Variants in CAPZB observed in about 807,000 individuals in gnomAD.
CAPZB encodes capping actin protein of muscle Z-line subunit beta.
Under a neutral mutation model 38.1 loss-of-function variants are expected in CAPZB, and 2 were observed. That is an observed-to-expected ratio of 0.05 (90% CI 0.02 to 0.17). CAPZB has a LOEUF of 0.17. CAPZB is among the 10% of genes least tolerant of loss of function. CAPZB has a pLI of 1.00. For missense variants in CAPZB, 161 were observed against 334.2 expected (o/e 0.48, Z 4.04); for synonymous variants, 107 against 127.4 (o/e 0.84, Z 1.08).
At chr1:19,444,846 G>A (rs552255894) in intron 1 of CAPZB, among the ~76,000 whole-genome samples, 149 of 152,224 alleles carry the variant, frequency 9.8e-4, no homozygotes, top group African/African-American at 2.4e-3. Context: ...AGGTTCAAGC[G>A]ATTCTCTTGC....
In CAPZB at chr1:19,474,289, C is replaced by T. The variant is rs554004618; in HGVS notation, c.3+11147G>A. ...GGATTACAGGTGTGAACTACCTCAC[C>T]GGGCCCTATTTACAGTATTCTTACT... is the stretch of plus-strand genomic sequence containing the variant. On this transcript the variant is annotated intron_variant, in intron 1 of 8. Transcript: ENST00000264202. Among the ~76,000 whole-genome samples, 18 of 152,282 alleles carry T rather than the reference C, an allele frequency of 1.2e-4. No homozygotes were observed. The East Asian group carries it at 1.5e-3, about 13-fold the overall frequency.
chr1:19,357,347 A>G lies in CAPZB; in HGVS notation c.471+75T>C, dbSNP rs1274860806. 21 of 1,369,642 alleles carry G rather than the reference A, an allele frequency of 1.5e-5. No individual in the cohort carries two copies. The highest frequency in any genetic ancestry group is 8.3e-6 in the Non-Finnish European group (8 of 968,672). The allele number at this position is 1,369,642 out of a possible 1,614,324, so 84.8% of individuals were successfully genotyped here. A position where few individuals can be genotyped will look rare whatever the true frequency, so the allele number is the denominator to read the frequency against. On this transcript the variant is annotated intron_variant, in intron 5 of 8. Transcript: ENST00000264202. This position sits in a 1 kb window ranked among gnomAD's most constrained non-coding sequence, Gnocchi z 4.3. ...ACAGCATCCCCCTACTGCATCTGTTAGAGAGCAGCGCGGCACTGGTTGGTG... is the reference window on the plus strand; with the variant it reads ...ACAGCATCCCCCTACTGCATCTGTTGGAGAGCAGCGCGGCACTGGTTGGTG...
intron 1 of CAPZB, chr1:19,448,966 G>C (rs1235625602): frequency 1.9e-6 from 3 of 1,608,430 alleles, no homozygotes; most frequent in Non-Finnish European, 2.5e-6. Context: ...GGGAGGCGAG[G>C]GGGCAAGAGG....
intron 1 of CAPZB, among the ~76,000 whole-genome samples, chr1:19,421,342 T>C (rs554924593): frequency 6.6e-6 from 1 of 152,330 alleles, no homozygotes; most frequent in East Asian, 1.9e-4. Flanking sequence ...TCAATTTCAT[T>C]TTTTTAAAAA....
At chr1:19,372,031 G>T (rs528886735) in intron 4 of CAPZB, among the ~76,000 whole-genome samples, 29 of 152,332 alleles carry the variant, frequency 1.9e-4, no homozygotes, top group South Asian at 6.2e-4. Flanking sequence ...GAGGCCCTTG[G>T]GCCCTGGGAC....
chr1:19,456,625 C>T (rs902402212), intron 1 of CAPZB, among the ~76,000 whole-genome samples: 8 of 152,148 alleles, frequency 5.3e-5, no homozygotes, highest in African/African-American at 1.9e-4. Flanking sequence ...AATACTCCAG[C>T]CCACAGACCC....
chr1:19,476,412 CTCAA>C (rs1055831455), intron 1 of CAPZB, among the ~76,000 whole-genome samples: 1 of 152,140 alleles, frequency 6.6e-6, no homozygotes, highest in Non-Finnish European at 1.5e-5. Flanking sequence ...GAGACCCTGT[CTCAA>C]TCAATCAATC....
Position 19,363,260 on chromosome 1 carries a change from A to ATTT in CAPZB, c.330-5700_330-5698dup, listed in dbSNP as rs10641267. On this transcript the variant is annotated intron_variant, in intron 4 of 8. Transcript: ENST00000264202. The stretch of plus-strand genomic sequence containing the variant: ...CCATGCATGGCTAATTAAAAAAAAA[A>ATTT]TTTTTTTTTTTTTTTTTTTAGAGAC... 8.3e-4 allele frequency among the ~76,000 whole-genome samples: 102 copies of ATTT among 123,138 alleles called. 1 individual carries two copies. Among genetic ancestry groups the ATTT allele is most frequent in the Middle Eastern group, 4.5e-3 (1 of 224 alleles). The allele number at this position is 123,138 out of a possible 152,430, so 80.8% of individuals were successfully genotyped here.
chr1:19,405,902 C>A (rs553807108), intron 2 of CAPZB, among the ~76,000 whole-genome samples: 1 of 152,220 alleles, frequency 6.6e-6, no homozygotes, highest in Admixed American at 6.5e-5. Context: ...TCTGGAGCTT[C>A]ACAAGCGCTG....
chr1:19,440,809 C>A (rs986089908), intron 1 of CAPZB, among the ~76,000 whole-genome samples: 1 of 152,150 alleles, frequency 6.6e-6, no homozygotes, highest in Non-Finnish European at 1.5e-5. Flanking sequence ...GCCTGTAATC[C>A]CAGCACTTTG....
chr1:19,355,909 T>A (rs984080118), intron 6 of CAPZB, among the ~76,000 whole-genome samples: 2 of 152,162 alleles, frequency 1.3e-5, no homozygotes, highest in African/African-American at 4.8e-5. Flanking sequence ...CCCAGATGCT[T>A]ATGGGAGCAT....
At chr1:19,458,448 G>A (rs886121530) in intron 1 of CAPZB, among the ~76,000 whole-genome samples, 9 of 152,262 alleles carry the variant, frequency 5.9e-5, no homozygotes, top group Admixed American at 1.3e-4. Flanking sequence ...TCCACCTCCC[G>A]GGTTCAAGTG....
At chr1:19,435,536 G>A (rs1480580964) in intron 1 of CAPZB, among the ~76,000 whole-genome samples, 9 of 152,178 alleles carry the variant, frequency 5.9e-5, no homozygotes, top group East Asian at 1.9e-4. Context: ...GGTAGTGCAC[G>A]GCAGGCGCTG....
chr1:19,354,959 C>T (rs935962484), intron 6 of CAPZB, among the ~76,000 whole-genome samples: 1 of 152,082 alleles, frequency 6.6e-6, no homozygotes, highest in Non-Finnish European at 1.5e-5. Flanking sequence ...AGGCTAAGTG[C>T]CCCCTGTGTG....
intron 1 of CAPZB, among the ~76,000 whole-genome samples, chr1:19,456,056 C>T (rs909780091): frequency 4.6e-5 from 7 of 152,182 alleles, no homozygotes; most frequent in Non-Finnish European, 1.0e-4. Flanking sequence ...GGACTACAGG[C>T]GCGCACCATC....
intron 1 of CAPZB, among the ~76,000 whole-genome samples, chr1:19,485,004 G>A (rs1474114173): frequency 1.3e-5 from 2 of 152,106 alleles, no homozygotes; most frequent in Non-Finnish European, 2.9e-5. Context: ...CCTAGCCTGG[G>A]CCATGGCAGG....
At chr1:19,483,436 A>G (rs1441934252) in intron 1 of CAPZB, among the ~76,000 whole-genome samples, 1 of 152,216 alleles carries the variant, frequency 6.6e-6, no homozygotes, top group East Asian at 1.9e-4. Flanking sequence ...TAAAATGGGG[A>G]CAGCCCCAGA....
At chr1:19,381,119 A>T (rs894053118) in intron 3 of CAPZB, among the ~76,000 whole-genome samples, 1 of 152,096 alleles carries the variant, frequency 6.6e-6, no homozygotes, top group African/African-American at 2.4e-5. Context: ...CAGTGAGCTG[A>T]GATCGCGCCA....
intron 1 of CAPZB, among the ~76,000 whole-genome samples, chr1:19,480,012 C>T (rs1364715057): frequency 6.6e-6 from 1 of 152,182 alleles, no homozygotes; most frequent in Non-Finnish European, 1.5e-5. Flanking sequence ...TGCCCAGCCC[C>T]CAAGCCGACT....
Sources: allele counts gnomAD v4.1 joint callset (sites outside exome capture counted in the v4.1 genomes callset), GRCh38; gene constraint gnomAD v4.1.1; non-coding constraint Gnocchi (gnomAD v3.1); transcripts MANE v1.5; gene names NCBI Gene and HGNC (gene_info 2026-07-23, HGNC 2026-07-21).